LUC7L3: variants seen among roughly 807,000 people sequenced by gnomAD.
The protein encoded by LUC7L3 is LUC7 like 3 pre-mRNA splicing factor.
A neutral mutation model predicts 66.8 loss-of-function variants in LUC7L3; 6 were observed. The observed-to-expected ratio is 0.09, with a 90% CI of 0.05 to 0.18. LUC7L3 has a LOEUF of 0.18. Ranked by LOEUF, LUC7L3 falls within the 10% of genes least tolerant of loss-of-function variation. LUC7L3 has a pLI of 1.00. For missense variants in LUC7L3, 341 were observed against 531.1 expected, an observed-to-expected ratio of 0.64 and a Z score of 3.52; for synonymous variants, 160 against 174.7, an observed-to-expected ratio of 0.92 and a Z score of 0.66.
chr17:50,731,406 GA>G (rs1172174067), intron 1 of LUC7L3, among the ~76,000 whole-genome samples: 1 of 152,054 alleles, frequency 6.6e-6, no homozygotes, highest in African/African-American at 2.4e-5. Flanking sequence ...GACCTCAGGT[GA>G]TCCGCCTGCC....
At chr17:50,728,843 T>C (rs999981924) in intron 1 of LUC7L3, among the ~76,000 whole-genome samples, 9 of 152,208 alleles carry the variant, frequency 5.9e-5, no homozygotes, top group Non-Finnish European at 5.9e-5. Flanking sequence ...TGTGAGCCAC[T>C]GCAGCTGGCT....
chr17:50,736,666 C>A, intron 1 of LUC7L3: 2 of 297,096 alleles, frequency 6.7e-6, no homozygotes, highest in Non-Finnish European at 1.2e-5. Context: ...AAAAATTGCC[C>A]TTTATTTTGG....
intron 2 of LUC7L3, among the ~76,000 whole-genome samples, chr17:50,739,813 A>G (rs1158416252): frequency 6.6e-6 from 1 of 152,236 alleles, no homozygotes; most frequent in African/African-American, 2.4e-5. Flanking sequence ...TAGCAAAATA[A>G]GCATAGAATT....
rs1250150410 is a variant in LUC7L3 at position 50,744,842 on chromosome 17, AT to A, written c.693+31del. On this transcript the variant is annotated intron_variant, in intron 7 of 9. Transcript: ENST00000505658. ...AGTTTTTTTGTTTGTTTTGAGGCAG[AT>A]TCTTGCTCTGTCACCTAGAGTGCAG... is the stretch of plus-strand genomic sequence containing the variant. The A allele has an allele frequency of 1.9e-6, 3 of 1,593,072 alleles. No individual in the cohort carries two copies. The South Asian group carries it at 3.4e-5, about 18-fold the overall frequency.
rs1970359923 is a variant in LUC7L3, at chr17:50,741,736, G to C, written c.426+5G>C. 6.2e-7 allele frequency: 1 copy of C among 1,608,550 alleles called. No individual in the cohort carries two copies. Among genetic ancestry groups the C allele is most frequent in the Non-Finnish European group, 8.5e-7 (1 of 1,175,456 alleles). ...ATTGATGTACTTCTGCAACAGGTGA[G>C]AATTGTGTGCATTAATGTCAGGAAG... is the stretch of plus-strand genomic sequence containing the variant. On this transcript the variant is annotated splice_donor_5th_base_variant and intron_variant, in intron 5 of 9. Transcript: ENST00000505658.
Position 50,741,131 on chromosome 17 carries a change from T to C in LUC7L3, c.236T>C (p.Val79Ala), listed in dbSNP as rs1970324123. The C allele has an allele frequency of 6.2e-7, 1 of 1,614,180 alleles. No homozygotes were observed. Among genetic ancestry groups the C allele is most frequent in the Non-Finnish European group, 8.5e-7 (1 of 1,180,026 alleles). ...QYEKSSRFMK[V>A]GYERDFLRYL... Reference sequence around the variant, plus strand: ...GAGAAGAGCTCTCGTTTCATGAAAGTTGGCTATGAGAGAGATTTTTTGCGA... The same window carrying C: ...GAGAAGAGCTCTCGTTTCATGAAAGCTGGCTATGAGAGAGATTTTTTGCGA... The change falls in exon 4 of 10, where the codon GTT becomes GCT. Residue 79 changes from valine to alanine, a missense_variant. Val to Ala is a moderately conservative substitution (Grantham distance 64, BLOSUM62 0). Around this residue, in one of 6 missense-constraint regions of LUC7L3, gnomAD observed 86 missense variants for 172.0 expected, o/e 0.50. Transcript: ENST00000505658.
At chr17:50,745,611 A>T (rs1970622897) in intron 7 of LUC7L3, 109 bp from the exon 8 acceptor site, 2 of 744,604 alleles carry the variant, frequency 2.7e-6, no homozygotes, top group Non-Finnish European at 2.2e-6. Flanking sequence ...ATTTCCCTTA[A>T]GGGCATCAAT....
At chr17:50,741,610 A>C (rs766551275) in intron 4 of LUC7L3, 47 bp from the exon 5 acceptor site, 1 of 1,212,618 alleles carries the variant, frequency 8.2e-7, no homozygotes, top group Non-Finnish European at 1.2e-6. Flanking sequence ...TTGCATGTTT[A>C]TCTTTGTTTT....
At chr17:50,733,391 C>A (rs868684795) in intron 1 of LUC7L3, among the ~76,000 whole-genome samples, 7 of 142,100 alleles carry the variant, frequency 4.9e-5, no homozygotes, top group Middle Eastern at 3.8e-3. Flanking sequence ...GCCACCACGC[C>A]TGGCTAGTTT....
At chr17:50,722,476 G>C (rs1428459316) in intron 1 of LUC7L3, 1 of 152,290 alleles carries the variant, frequency 6.6e-6, no homozygotes, top group South Asian at 2.1e-4. Context: ...GATTACAGGC[G>C]CGAGCCACCG....
chr17:50,745,871 A>G lies in LUC7L3; in HGVS notation c.845A>G (p.Glu282Gly). 6.2e-7 allele frequency: 1 copy of G among 1,606,240 alleles called. No homozygotes were observed. The highest frequency in any genetic ancestry group is 8.5e-7 in the Non-Finnish European group (1 of 1,174,908). Residue 282 changes from glutamate (E) to glycine (G), a missense_variant, in exon 8 of 10, where the codon GAA becomes GGA. Glu to Gly is a moderately conservative substitution (Grantham distance 98, BLOSUM62 -2). Around this residue, in one of 6 missense-constraint regions of LUC7L3, gnomAD observed 210 missense variants for 238.1 expected, o/e 0.88. Transcript: ENST00000505658. ...RRREEEEREK[E>G]RARDRERRKR... is the part of the protein sequence containing the mutation. Reference sequence around the variant, plus strand: ...AGGGAAGAGGAAGAAAGAGAAAAAGAAAGGGCTCGTGACAGAGAAAGAAGA... The same window carrying G: ...AGGGAAGAGGAAGAAAGAGAAAAAGGAAGGGCTCGTGACAGAGAAAGAAGA...
chr17:50,755,477 C>G lies in LUC7L3; in HGVS notation c.*4816C>G, dbSNP rs945964087. 2.0e-5 allele frequency: 3 copies of G among 152,176 alleles called. No individual in the cohort carries two copies. Among genetic ancestry groups the G allele is most frequent in the African/African-American group, 7.2e-5 (3 of 41,440 alleles). The allele number at this position is 152,176 out of a possible 1,614,324, so 9.4% of individuals were successfully genotyped here. A position where few individuals can be genotyped will look rare whatever the true frequency, so the allele number is the denominator to read the frequency against. On this transcript the variant is annotated 3_prime_UTR_variant, in exon 10 of 10. Coordinates refer to ENST00000505658, the MANE Select transcript of LUC7L3 (RefSeq NM_016424.5). ...ACCTGTAGTTTTAAAAAGTACATTT[C>G]AAGTAAGCCAAAGCAGAGAAGTAAA...
chr17:50,749,277 C>T (rs1483595166), intron 9 of LUC7L3: 20 of 1,289,312 alleles, frequency 1.6e-5, no homozygotes, highest in Non-Finnish European at 1.9e-5. Context: ...CAAGACGACT[C>T]TTCCTCATTG....
chr17:50,736,439 T>A (rs1969989717), intron 1 of LUC7L3, among the ~76,000 whole-genome samples: 1 of 152,230 alleles, frequency 6.6e-6, no homozygotes, highest in Admixed American at 6.5e-5. Flanking sequence ...CAAAATATTT[T>A]AAAACATTTG....
At chr17:50,733,100 G>T (rs1485867297) in intron 1 of LUC7L3, among the ~76,000 whole-genome samples, 2 of 152,174 alleles carry the variant, frequency 1.3e-5, no homozygotes, top group Non-Finnish European at 2.9e-5. Context: ...AATTGGTCAT[G>T]AGGCTGTTAG....
chr17:50,724,689 A>G lies in LUC7L3; in HGVS notation c.99+4858A>G, dbSNP rs184276559. ...GCCTTGATTTCCTCACAAAAGGAGA[A>G]GGTAGCTTAAGTTTGTAAATTTGAC... On this transcript the variant is annotated intron_variant, in intron 1 of 9. Transcript: ENST00000505658. 1.1e-4 allele frequency among the ~76,000 whole-genome samples: 16 copies of G among 150,548 alleles called. No individual in the cohort carries two copies. The East Asian group carries it at 2.9e-3, about 28-fold the overall frequency.
chr17:50,719,804 C>T lies in LUC7L3; in HGVS notation c.72C>T (p.Arg24=). 1.2e-6 allele frequency: 2 copies of T among 1,611,998 alleles called. No homozygotes were observed. Among genetic ancestry groups the T allele is most frequent in the Non-Finnish European group, 1.7e-6 (2 of 1,179,180 alleles). ...GAAACCTAGCCCCGGACGAGAAGCGCAGCAACGTGCGGTGGGACCACGAGA... is the reference window on the plus strand; with the variant it reads ...GAAACCTAGCCCCGGACGAGAAGCGTAGCAACGTGCGGTGGGACCACGAGA... ...RDRNLAPDEK[R]SNVRWDHESV... The change falls in exon 1 of 10, where the codon CGC becomes CGT. Residue 24 remains arginine (R), a synonymous_variant. Transcript: ENST00000505658.
chr17:50,744,841 G>C lies in LUC7L3; in HGVS notation c.693+28G>C, dbSNP rs376134534. 1.3e-5 allele frequency: 20 copies of C among 1,595,038 alleles called. No individual in the cohort carries two copies. In the African/African-American group the frequency reaches 1.6e-4, roughly 13 times the overall value. The stretch of plus-strand genomic sequence containing the variant: ...AAGTTTTTTTGTTTGTTTTGAGGCA[G>C]ATTCTTGCTCTGTCACCTAGAGTGC... On this transcript the variant is annotated intron_variant, in intron 7 of 9. Transcript: ENST00000505658.
chr17:50,726,679 G>A (rs1414034974), intron 1 of LUC7L3, among the ~76,000 whole-genome samples: 1 of 152,158 alleles, frequency 6.6e-6, no homozygotes. Context: ...TAAACTTAGG[G>A]TATTGATAAA....
Sources: allele counts gnomAD v4.1 joint callset (sites outside exome capture counted in the v4.1 genomes callset), GRCh38; gene constraint gnomAD v4.1.1; regional missense constraint gnomAD v4.1.1; transcripts MANE v1.5; gene names NCBI Gene and HGNC (gene_info 2026-07-23, HGNC 2026-07-21).